The following FER1L6 variants were observed in gnomAD, a reference collection of about 807,000 sequenced individuals.
FER1L6 encodes fer-1-like protein 6.
FER1L6 carries 177 observed loss-of-function variants against 219.2 expected under a neutral mutation model. That is an observed-to-expected ratio of 0.81 (90% confidence interval 0.71 to 0.91). The LOEUF is 0.91. FER1L6 is among the 40% of genes least tolerant of loss of function. FER1L6 has a pLI of 0.00. For synonymous variants in FER1L6, 768 were observed against 824.3 expected (o/e 0.93, Z 1.17); for missense variants, 2,153 against 2,259.9 (o/e 0.95, Z 0.96).
In FER1L6 at chr8:123,975,152, C is replaced by T. The variant is rs1199068336; in HGVS notation, c.529C>T (p.His177Tyr). Residue 177 changes from histidine (H) to tyrosine (Y), a missense_variant and splice_region_variant, in exon 8 of 41, where the codon CAT becomes TAT. By Grantham distance (83) the His-to-Tyr change is moderately conservative. Coordinates refer to ENST00000522917, the MANE Select transcript of FER1L6 (RefSeq NM_001039112.2). Reference sequence around the variant, plus strand: ...GAGCTGTCAGGGTGCTTTCACAGGTCATCAGTTCTGCAACAAGTGGGCCCT... The same window carrying T: ...GAGCTGTCAGGGTGCTTTCACAGGTTATCAGTTCTGCAACAAGTGGGCCCT... ...DLGTVYNQPGHQFCNKWALLT... is the reference protein window; with the variant it reads ...DLGTVYNQPGYQFCNKWALLT... 4 of 1,594,286 alleles carry T rather than the reference C, an allele frequency of 2.5e-6. No individual in the cohort carries two copies. The Admixed American group carries it at 5.1e-5, about 20-fold the overall frequency.
Position 124,010,642 on chromosome 8 carries a change from C to T in FER1L6, c.1749C>T (p.Phe583=). ...AGGCTAAGAAGCCCTGTGTCTATTT[C>T]ATCAGCTCTTGGGGAGACCAGACCT... ...PFEAKKPCVY[F]ISSWGDQTFR... is the part of the protein sequence containing the mutation. The change falls in exon 14 of 41, where the codon TTC becomes TTT. Residue 583 remains phenylalanine, a synonymous_variant. Coordinates refer to ENST00000522917, the MANE Select transcript of FER1L6 (RefSeq NM_001039112.2). 6.2e-7 allele frequency: 1 copy of T among 1,614,102 alleles called. No homozygotes were observed. Among genetic ancestry groups the T allele is most frequent in the Non-Finnish European group, 8.5e-7 (1 of 1,179,996 alleles).
intron 39 of FER1L6, among the ~76,000 whole-genome samples, chr8:124,108,464 G>C (rs185974520): frequency 6.6e-6 from 1 of 152,264 alleles, no homozygotes; most frequent in East Asian, 1.9e-4. Flanking sequence ...AAACTGTTTT[G>C]ACCATTCCCT....
intron 33 of FER1L6, among the ~76,000 whole-genome samples, chr8:124,088,496 T>C (rs1048889476): frequency 7.9e-5 from 12 of 152,050 alleles, no homozygotes; most frequent in African/African-American, 2.7e-4. Context: ...TACTCCACGA[T>C]GGCTGGGCTG....
At chr8:123,932,006 G>A (rs1813787334) in intron 1 of FER1L6, among the ~76,000 whole-genome samples, 1 of 152,180 alleles carries the variant, frequency 6.6e-6, no homozygotes, top group Non-Finnish European at 1.5e-5. Flanking sequence ...TTTTGAATAA[G>A]GAGAGAATAG....
At chr8:124,012,399 C>A (rs1817981789) in intron 14 of FER1L6, among the ~76,000 whole-genome samples, 1 of 152,158 alleles carries the variant, frequency 6.6e-6, no homozygotes, top group Non-Finnish European at 1.5e-5. Flanking sequence ...AGAGTCTTGA[C>A]AAAGCAAATC....
chr8:124,079,777 C>T (rs1218865074), intron 32 of FER1L6, among the ~76,000 whole-genome samples: 1 of 152,158 alleles, frequency 6.6e-6, no homozygotes, highest in East Asian at 1.9e-4. Context: ...GCCTTTGAGT[C>T]TGTGTAATCG....
chr8:124,084,382 C>T (rs907457740), intron 33 of FER1L6, among the ~76,000 whole-genome samples: 5 of 152,026 alleles, frequency 3.3e-5, no homozygotes, highest in Non-Finnish European at 5.9e-5. Flanking sequence ...CAGTATGATC[C>T]TAGCTGTGGG....
intron 20 of FER1L6, among the ~76,000 whole-genome samples, chr8:124,045,350 T>C (rs1819679704): frequency 1.3e-5 from 2 of 152,256 alleles, no homozygotes; most frequent in South Asian, 4.2e-4. Context: ...TCCTGATCTG[T>C]AAAATGTGTG....
intron 1 of FER1L6, among the ~76,000 whole-genome samples, chr8:123,916,481 C>T (rs921381591): frequency 6.6e-6 from 1 of 152,202 alleles, no homozygotes; most frequent in African/African-American, 2.4e-5. Flanking sequence ...TTGCCACAGT[C>T]AGGCTTAGGA....
intron 1 of FER1L6, among the ~76,000 whole-genome samples, chr8:123,946,206 T>C (rs1814478091): frequency 6.6e-6 from 1 of 152,216 alleles, no homozygotes; most frequent in Admixed American, 6.5e-5. Flanking sequence ...TTCTCTGGAC[T>C]GGACCTCAAT....
At chr8:124,076,176 A>C in intron 31 of FER1L6, 22 bp from the exon 32 acceptor site, 2 of 1,613,416 alleles carry the variant, frequency 1.2e-6, no homozygotes, top group Non-Finnish European at 1.7e-6. Flanking sequence ...TGAACCAAAG[A>C]CATTTTCTTT....
At chr8:123,948,500 C>T (rs1324490813) in intron 1 of FER1L6, among the ~76,000 whole-genome samples, 1 of 152,116 alleles carries the variant, frequency 6.6e-6, no homozygotes, top group Non-Finnish European at 1.5e-5. Context: ...TTCATTCATT[C>T]ATCTTATTTT....
intron 13 of FER1L6, among the ~76,000 whole-genome samples, chr8:124,003,762 C>T (rs907333999): frequency 1.3e-4 from 20 of 151,704 alleles, no homozygotes; most frequent in African/African-American, 3.9e-4. Context: ...CCACTGTGCC[C>T]GGCCAGAAAC....
At chr8:123,924,186 G>A (rs193071195) in intron 1 of FER1L6, among the ~76,000 whole-genome samples, 173 of 136,598 alleles carry the variant, frequency 1.3e-3, no homozygotes, top group African/African-American at 4.2e-3. Flanking sequence ...AGTGAACTGA[G>A]ATCGAGCCAC....
At chr8:123,920,389 A>G (rs1813325018) in intron 1 of FER1L6, among the ~76,000 whole-genome samples, 1 of 152,228 alleles carries the variant, frequency 6.6e-6, no homozygotes, top group African/African-American at 2.4e-5. Context: ...CTAGCCTCTG[A>G]GGGTCATAGT....
At chr8:123,886,075 G>T (rs538252234) in intron 1 of FER1L6, among the ~76,000 whole-genome samples, 21 of 152,238 alleles carry the variant, frequency 1.4e-4, no homozygotes, top group Admixed American at 1.2e-3. Context: ...CTTCCTTTGT[G>T]CACCTAACAC....
intron 7 of FER1L6, 44 bp downstream of exon 7, chr8:123,973,556 GT>G: frequency 6.9e-7 from 1 of 1,440,138 alleles, no homozygotes; most frequent in Non-Finnish European, 9.8e-7. Context: ...CTTGTCTTTG[GT>G]TTATAGCACC....
intron 31 of FER1L6, among the ~76,000 whole-genome samples, chr8:124,074,206 A>G (rs1821185995): frequency 6.6e-6 from 1 of 152,212 alleles, no homozygotes; most frequent in Admixed American, 6.5e-5. Flanking sequence ...TACTCTCAGA[A>G]AAGATCATCA....
At chr8:123,855,950 GTA>G (rs1816631215) in intron 1 of FER1L6, among the ~76,000 whole-genome samples, 1 of 138,280 alleles carries the variant, frequency 7.2e-6, no homozygotes, top group Non-Finnish European at 1.5e-5. Context: ...AACTAATGTA[GTA>G]TATATATTAC....
Sources: allele counts gnomAD v4.1 joint callset (sites outside exome capture counted in the v4.1 genomes callset), GRCh38; gene constraint gnomAD v4.1.1; transcripts MANE v1.5; gene names NCBI Gene and HGNC (gene_info 2026-07-23, HGNC 2026-07-21).